The following EHBP1L1 variants were observed in gnomAD, a reference collection of about 807,000 sequenced individuals.
The protein encoded by EHBP1L1 is EH domain binding protein 1 like 1.
In EHBP1L1, 122 loss-of-function variants were observed where a neutral mutation model predicts 151.1. That is an observed-to-expected ratio of 0.81 (90% confidence interval 0.70 to 0.94). The LOEUF is 0.94. Among genes scored for constraint, EHBP1L1 ranks in the 40% least tolerant of loss-of-function variants. The pLI, the probability that EHBP1L1 is intolerant of heterozygous loss-of-function variation, is 0.00. For missense variants in EHBP1L1, 1,941 were observed against 1,959.8 expected (o/e 0.99, Z 0.18); for synonymous variants, 878 against 810.1 (o/e 1.08, Z -1.42).
At chr11:65,584,419 G>T in intron 10 of EHBP1L1, 21 bp downstream of exon 10, 1 of 1,613,506 alleles carries the variant, frequency 6.2e-7, no homozygotes, top group Non-Finnish European at 8.5e-7. Context: ...AGAGGGGTGG[G>T]AACGAATGGG....
chr11:65,585,624 C>T lies in EHBP1L1; in HGVS notation c.3933+33C>T, dbSNP rs1305657549. On this transcript the variant is annotated intron_variant, in intron 12 of 18. Transcript: ENST00000309295. This position sits in a 1 kb window ranked among gnomAD's most constrained non-coding sequence, Gnocchi z 4.0. ...TCAAGGTCCTTCTTTCTTCCCCCGC[C>T]GCAGCGCGGGGTCCCGGGAAGATGG... 5.2e-6 allele frequency: 8 copies of T among 1,544,076 alleles called. No individual in the cohort carries two copies. Among genetic ancestry groups the T allele is most frequent in the African/African-American group, 1.4e-5 (1 of 73,256 alleles).
intron 16 of EHBP1L1, chr11:65,591,333 A>G (rs1375697280): frequency 9.8e-6 from 2 of 204,620 alleles, no homozygotes; most frequent in African/African-American, 4.7e-5. Flanking sequence ...GATTGCAGTG[A>G]GCCGAGATCG....
chr11:65,580,769 G>C (rs1248045487), intron 6 of EHBP1L1, among the ~76,000 whole-genome samples: 2 of 152,140 alleles, frequency 1.3e-5, no homozygotes, highest in Non-Finnish European at 2.9e-5. Context: ...CAGGACAGCT[G>C]GGTCAGAAGC....
Position 65,576,267 on chromosome 11 carries a change from C to A in EHBP1L1, c.-36C>A, listed in dbSNP as rs761056708. ...AGCGGTGGCGGGCCAGCGGGAGCCC[C>A]GGGCCTGAGAAGTGGGCGGCGGGGT... On this transcript the variant is annotated 5_prime_UTR_variant, in exon 1 of 19. Transcript: ENST00000309295. 2.6e-6 allele frequency: 4 copies of A among 1,538,884 alleles called. No individual in the cohort carries two copies. In the African/African-American group the frequency reaches 4.1e-5, roughly 16 times the overall value.
chr11:65,591,031 A>G (rs1384127564), intron 16 of EHBP1L1, among the ~76,000 whole-genome samples: 3 of 152,068 alleles, frequency 2.0e-5, no homozygotes, highest in Non-Finnish European at 4.4e-5. Context: ...ACTCTGTCTC[A>G]AAAAATAAAA....
In EHBP1L1 at chr11:65,590,096, C is replaced by G. The variant is rs1360560121; in HGVS notation, c.4069C>G (p.Gln1357Glu). 6.2e-7 allele frequency: 1 copy of G among 1,613,894 alleles called. No homozygotes were observed. Among genetic ancestry groups the G allele is most frequent in the Admixed American group, 1.7e-5 (1 of 60,010 alleles). ...PGEEAGLQRF[Q>E]DTSQYVCAEL... is the part of the protein sequence containing the mutation. The stretch of plus-strand genomic sequence containing the variant: ...CCTTTTCCACCCCCAGCAACGGTTC[C>G]AGGACACAAGTCAGTACGTGTGTGC... The change falls in exon 15 of 19, where the codon CAG becomes GAG. Residue 1357 changes from glutamine (Q) to glutamate (E), a missense_variant. Gln to Glu is a conservative substitution (Grantham distance 29). Coordinates refer to ENST00000309295, the MANE Select transcript of EHBP1L1 (RefSeq NM_001099409.3).
intron 12 of EHBP1L1, among the ~76,000 whole-genome samples, chr11:65,587,234 A>G (rs1858017381): frequency 6.6e-6 from 1 of 152,158 alleles, no homozygotes; most frequent in African/African-American, 2.4e-5. Context: ...TTAGCCGGGC[A>G]TGGTGGTACA....
Position 65,580,118 on chromosome 11 carries a change from A to T in EHBP1L1, c.350A>T (p.Glu117Val), listed in dbSNP as rs751943151. Residue 117 changes from glutamate (E) to valine (V), a missense_variant, in exon 5 of 19, where the codon GAG (glutamate) becomes GTG (valine). Coordinates refer to ENST00000309295, the MANE Select transcript of EHBP1L1 (RefSeq NM_001099409.3). ...CAGCGGAAGGTGCTGGCCACGGCCG[A>T]GGTGGACCTGGCCCGCCATGCAGGG... ...KGQRKVLATA[E>V]VDLARHAGPV... 12 of 1,613,250 alleles carry T rather than the reference A, an allele frequency of 7.4e-6. No individual in the cohort carries two copies. The highest frequency in any genetic ancestry group is 9.3e-6 in the Non-Finnish European group (11 of 1,179,750).
At chr11:65,592,148 G>C (rs974711484) in intron 18 of EHBP1L1, 55 bp from the exon 19 acceptor site, 1 of 1,609,436 alleles carries the variant, frequency 6.2e-7, no homozygotes, top group Non-Finnish European at 8.5e-7. Flanking sequence ...CTCCCGCAGA[G>C]GGCTGCGTGT....
chr11:65,584,350 A>G lies in EHBP1L1; in HGVS notation c.3203A>G (p.Asn1068Ser), dbSNP rs1449336644. ...RITNFTTSWR[N>S]GLAFCAILHR... ...ACCAACTTCACCACATCCTGGCGCAACGGCTTGGCCTTCTGTGCCATCCTG... is the reference window on the plus strand; with the variant it reads ...ACCAACTTCACCACATCCTGGCGCAGCGGCTTGGCCTTCTGTGCCATCCTG... Residue 1068 changes from asparagine (N) to serine (S), a missense_variant, in exon 10 of 19, where the codon AAC becomes AGC. Coordinates refer to ENST00000309295, the MANE Select transcript of EHBP1L1 (RefSeq NM_001099409.3). 1.2e-6 allele frequency: 2 copies of G among 1,610,112 alleles called. No individual in the cohort carries two copies. Among genetic ancestry groups the G allele is most frequent in the Non-Finnish European group, 8.5e-7 (1 of 1,177,660 alleles).
At position 65,591,964 on chromosome 11, in the gene EHBP1L1, T is replaced by G. The variant is rs3829939; in HGVS notation, c.4358-12T>G. ...CCCGCGCCTCCTGACGCTTAGCCGC[T>G]TCGACCCTCAGACTGGCAGAAAACG... On this transcript the variant is annotated splice_polypyrimidine_tract_variant and intron_variant, in intron 17 of 18. Transcript: ENST00000309295. 0.022 allele frequency: 34,812 copies of G among 1,609,820 alleles called. 3,299 individuals are homozygous for G. In the African/African-American group the frequency reaches 0.28, roughly 13 times the overall value.
intron 17 of EHBP1L1, 33 bp from the exon 18 acceptor site, chr11:65,591,943 C>T: frequency 5.0e-6 from 8 of 1,607,424 alleles, no homozygotes; most frequent in Non-Finnish European, 6.8e-6. Context: ...CCTGGGCCCG[C>T]GCCTCCTGAC....
At chr11:65,577,576 C>T (rs1232111564) in intron 1 of EHBP1L1, among the ~76,000 whole-genome samples, 1 of 152,108 alleles carries the variant, frequency 6.6e-6, no homozygotes, top group Non-Finnish European at 1.5e-5. Context: ...GGCTGCTTAG[C>T]CTGGAGCCCA....
At position 65,583,814 on chromosome 11, in the gene EHBP1L1, T is replaced by C. The variant is rs1001297135; in HGVS notation, c.3093+49T>C. ...CCCAGTCTGCTGCTTCCCACTAACC[T>C]GGGGCTGAGCGAACGGCGGCTCTGC... On this transcript the variant is annotated intron_variant, in intron 9 of 18. Coordinates refer to ENST00000309295, the MANE Select transcript of EHBP1L1 (RefSeq NM_001099409.3). The C allele has an allele frequency of 2.1e-6, 3 of 1,441,856 alleles. No individual in the cohort carries two copies. The South Asian group carries it at 4.4e-5, about 21-fold the overall frequency. 89.3% of individuals were successfully genotyped at this position (1,441,856 alleles called of 1,614,324 possible). A position where few individuals can be genotyped will look rare whatever the true frequency, so the allele number is the denominator to read the frequency against.
intron 6 of EHBP1L1, 118 bp downstream of exon 6, chr11:65,580,597 G>A (rs1356238744): frequency 7.4e-6 from 10 of 1,359,106 alleles, no homozygotes; most frequent in South Asian, 5.6e-5. Flanking sequence ...TGCCCAGGCA[G>A]TCCCAACCAA....
At chr11:65,576,428 G>T (rs1857328407) in intron 1 of EHBP1L1, 22 bp downstream of exon 1, 1 of 1,547,716 alleles carries the variant, frequency 6.5e-7, no homozygotes, top group East Asian at 2.4e-5. Context: ...GGAGGCGGGG[G>T]GGCTCCCCCG....
chr11:65,590,163 G>A lies in EHBP1L1; in HGVS notation c.4136G>A (p.Gly1379Glu), dbSNP rs1283964231. ...GAACAGGAGCAGAGGCAGATAGATGGGCGGGCGGCTGAGGTGGAGATGCAG... is the reference window on the plus strand; with the variant it reads ...GAACAGGAGCAGAGGCAGATAGATGAGCGGGCGGCTGAGGTGGAGATGCAG... ...ALEQEQRQIDGRAAEVEMQLR... is the reference protein window; with the variant it reads ...ALEQEQRQIDERAAEVEMQLR... Residue 1379 changes from glycine to glutamate, a missense_variant, in exon 15 of 19, where the codon GGG (glycine) becomes GAG (glutamate). By Grantham distance (98) the Gly-to-Glu change is moderately conservative. Transcript: ENST00000309295. 6.2e-7 allele frequency: 1 copy of A among 1,613,836 alleles called. No individual in the cohort carries two copies.
rs1211906017 is a variant in EHBP1L1 at position 65,584,778 on chromosome 11, C to T, written c.3301-181C>T. ...TTTGGTAACGGGGTGGACGGTGTGC[C>T]GTTGCTAAGCAACGCGAGGGCGGGC... On this transcript the variant is annotated intron_variant, in intron 11 of 18. Coordinates refer to ENST00000309295, the MANE Select transcript of EHBP1L1 (RefSeq NM_001099409.3). 8.1e-6 allele frequency: 8 copies of T among 989,476 alleles called. No homozygotes were observed. In the Admixed American group the frequency reaches 1.4e-4, roughly 17 times the overall value. The allele number at this position is 989,476 out of a possible 1,614,324, so 61.3% of individuals were successfully genotyped here.
chr11:65,584,016 T>C, intron 9 of EHBP1L1: 1 of 1,406,124 alleles, frequency 7.1e-7, no homozygotes, highest in Non-Finnish European at 9.2e-7. Flanking sequence ...TGGCTGCTGG[T>C]GACCTCTGAT....
Sources: gnomAD v4.1 joint callset for allele counts (sites outside exome capture counted in the v4.1 genomes callset) on GRCh38, gnomAD v4.1.1 for gene constraint, Gnocchi (gnomAD v3.1) non-coding constraint, MANE v1.5 for transcripts, NCBI Gene and HGNC (gene_info 2026-07-23, HGNC 2026-07-21) for gene names.